Variants in SUGCT observed in about 807,000 individuals in gnomAD.
SUGCT encodes the protein succinyl-CoA:glutarate CoA-transferase.
A neutral mutation model predicts 55.0 loss-of-function variants in SUGCT; 41 were observed. That is an observed-to-expected ratio of 0.74 (90% CI 0.58 to 0.97). SUGCT has a LOEUF of 0.97. Ranked by LOEUF, SUGCT falls within the 50% of genes least tolerant of loss-of-function variation. SUGCT has a pLI of 0.00. For synonymous variants in SUGCT, 187 were observed against 200.4 expected, an observed-to-expected ratio of 0.93 and a Z score of 0.56; for missense variants, 568 against 547.8, an observed-to-expected ratio of 1.04 and a Z score of -0.37.
intron 6 of SUGCT, among the ~76,000 whole-genome samples, chr7:40,222,954 C>G (rs534659642): frequency 2.0e-5 from 3 of 151,948 alleles, no homozygotes; most frequent in Non-Finnish European, 2.9e-5. Flanking sequence ...TTGGCACAAG[C>G]ACACATCTTA....
chr7:40,245,586 C>T (rs993147681), intron 7 of SUGCT, among the ~76,000 whole-genome samples: 2 of 148,208 alleles, frequency 1.3e-5, no homozygotes, highest in Non-Finnish European at 3.0e-5. Context: ...ACTACAGGGG[C>T]CCACCACCAC....
At chr7:40,690,034 A>G (rs921422546) in intron 12 of SUGCT, among the ~76,000 whole-genome samples, 3 of 152,340 alleles carry the variant, frequency 2.0e-5, no homozygotes, top group South Asian at 2.1e-4. Flanking sequence ...TATGGTCACC[A>G]TACTACAAAG....
rs906446538 is a variant in SUGCT, at chr7:40,539,062, G to C, written c.1089+42676G>C. ...CCACTACATTCCAGCCTGGGCGACA[G>C]AGCGAGACTCCATCTCAAAAAAAAA... On this transcript the variant is annotated intron_variant, in intron 12 of 13. Coordinates refer to ENST00000335693, the MANE Select transcript of SUGCT (RefSeq NM_001193313.2). 3 of 146,970 alleles carry C rather than the reference G, an allele frequency of 2.0e-5. No individual in the cohort carries two copies. In the South Asian group the frequency reaches 6.4e-4, roughly 32 times the overall value. 9.1% of individuals were successfully genotyped at this position (146,970 alleles called of 1,614,324 possible). A position where few individuals can be genotyped will look rare whatever the true frequency, so the allele number is the denominator to read the frequency against.
chr7:40,367,224 A>T (rs964808890), intron 9 of SUGCT, among the ~76,000 whole-genome samples: 4 of 133,760 alleles, frequency 3.0e-5, no homozygotes, highest in Admixed American at 2.7e-4. Flanking sequence ...ATGAGAACAC[A>T]TGGACACAGG....
At chr7:40,854,852 C>T (rs576983963) in intron 13 of SUGCT, among the ~76,000 whole-genome samples, 2 of 151,962 alleles carry the variant, frequency 1.3e-5, no homozygotes, top group Non-Finnish European at 2.9e-5. Context: ...GACAAGATCC[C>T]GTGAGCCCAG....
At chr7:40,795,615 G>T (rs1440550579) in intron 13 of SUGCT, among the ~76,000 whole-genome samples, 1 of 152,120 alleles carries the variant, frequency 6.6e-6, no homozygotes, top group Non-Finnish European at 1.5e-5. Context: ...TCGACACAGA[G>T]ATATAATAAT....
chr7:40,471,523 C>G (rs559500637), intron 11 of SUGCT, among the ~76,000 whole-genome samples: 1 of 152,034 alleles, frequency 6.6e-6, no homozygotes, highest in East Asian at 1.9e-4. Flanking sequence ...ATAACAGTAA[C>G]AAGATGTGTA....
At chr7:40,433,175 G>A (rs1022268929) in intron 9 of SUGCT, among the ~76,000 whole-genome samples, 8 of 151,998 alleles carry the variant, frequency 5.3e-5, no homozygotes, top group Admixed American at 3.3e-4. Flanking sequence ...GTGTCTCCTT[G>A]TGGAGCTTCT....
chr7:40,341,675 T>A (rs1463589882), intron 9 of SUGCT, among the ~76,000 whole-genome samples: 1 of 152,090 alleles, frequency 6.6e-6, no homozygotes, highest in Non-Finnish European at 1.5e-5. Flanking sequence ...CTGTGAGAAG[T>A]GCTACCTATT....
At chr7:40,304,062 A>C (rs190268128) in intron 8 of SUGCT, among the ~76,000 whole-genome samples, 1,844 of 152,112 alleles carry the variant, frequency 0.012, 19 homozygotes, top group Middle Eastern at 0.048. Context: ...AAAAAAAAAA[A>C]AAAAGAATGA....
At chr7:40,897,179 T>C in the SUGCT span, among the ~76,000 whole-genome samples, 2 of 152,152 alleles carry the variant, frequency 1.3e-5, no homozygotes, top group African/African-American at 2.4e-5. Flanking sequence ...ACTGAACCCT[T>C]ATCCCACACC....
At chr7:40,682,666 T>C (rs1455841748) in intron 12 of SUGCT, among the ~76,000 whole-genome samples, 1 of 152,260 alleles carries the variant, frequency 6.6e-6, no homozygotes, top group Non-Finnish European at 1.5e-5. Flanking sequence ...AAAAACACTT[T>C]GTTTTTTTTC....
intron 7 of SUGCT, among the ~76,000 whole-genome samples, chr7:40,244,316 A>T (rs1789669653): frequency 6.6e-6 from 1 of 152,226 alleles, no homozygotes; most frequent in African/African-American, 2.4e-5. Context: ...AGACATTCCC[A>T]GGGGAGATCA....
At chr7:40,639,232 A>C (rs1230436207) in intron 12 of SUGCT, among the ~76,000 whole-genome samples, 1 of 152,186 alleles carries the variant, frequency 6.6e-6, no homozygotes, top group Non-Finnish European at 1.5e-5. Context: ...GCTAGATCGT[A>C]AACTGTGATG....
chr7:40,751,380 C>T (rs1348447255), intron 13 of SUGCT, among the ~76,000 whole-genome samples: 4 of 152,068 alleles, frequency 2.6e-5, no homozygotes, highest in East Asian at 1.9e-4. Context: ...AGCTTAAAGC[C>T]GGCGGTCAGG....
chr7:40,951,537 T>C, the SUGCT span, among the ~76,000 whole-genome samples: 1 of 152,238 alleles, frequency 6.6e-6, no homozygotes, highest in Non-Finnish European at 1.5e-5. Context: ...TTCTTTTAAT[T>C]GTGATGTTAG....
At chr7:40,598,614 G>T (rs1798142290) in intron 12 of SUGCT, among the ~76,000 whole-genome samples, 1 of 152,202 alleles carries the variant, frequency 6.6e-6, no homozygotes. Context: ...GAATGAGCAT[G>T]CAGGGGTCAA....
intron 12 of SUGCT, among the ~76,000 whole-genome samples, chr7:40,676,794 C>T (rs947037227): frequency 1.3e-5 from 2 of 152,066 alleles, no homozygotes; most frequent in African/African-American, 2.4e-5. Context: ...TGAGCCACCA[C>T]GCCTGGCCTA....
chr7:40,862,981 G>A (rs960208218), downstream of SUGCT, among the ~76,000 whole-genome samples: 1 of 151,796 alleles, frequency 6.6e-6, no homozygotes, highest in Non-Finnish European at 1.5e-5. Flanking sequence ...GCTCATGCCT[G>A]TAATCCCAGC....
Sources: gnomAD v4.1 joint callset for allele counts (sites outside exome capture counted in the v4.1 genomes callset) on GRCh38, gnomAD v4.1.1 for gene constraint, MANE v1.5 for transcripts, NCBI Gene and HGNC (gene_info 2026-07-23, HGNC 2026-07-21) for gene names.